The following CPED1 variants were observed in gnomAD, a reference collection of about 807,000 sequenced individuals.
The protein encoded by CPED1 is cadherin like and PC-esterase domain containing 1.
In CPED1, 114 loss-of-function variants were observed where a neutral mutation model predicts 128.2. That is an observed-to-expected ratio of 0.89 (90% confidence interval 0.76 to 1.04). The LOEUF is 1.04. Among genes scored for constraint, CPED1 ranks in the 50% least tolerant of loss-of-function variants. CPED1 has a pLI of 0.00. For synonymous variants in CPED1, 462 were observed against 426.7 expected (o/e 1.08, Z -1.02); for missense variants, 1,211 against 1,207.1 (o/e 1.00, Z -0.05).
At chr7:121,067,229 A>G (rs538917750) in intron 5 of CPED1, among the ~76,000 whole-genome samples, 1 of 152,074 alleles carries the variant, frequency 6.6e-6, no homozygotes, top group African/African-American at 2.4e-5. Flanking sequence ...TCGTCATTTA[A>G]CATTAGGTAT....
At chr7:121,199,070 C>T (rs1400093805) in intron 16 of CPED1, among the ~76,000 whole-genome samples, 6 of 152,108 alleles carry the variant, frequency 3.9e-5, no homozygotes, top group African/African-American at 7.2e-5. Context: ...GAAATGGCAG[C>T]GTAATGATTG....
At chr7:121,174,810 T>C (rs1348101541) in intron 16 of CPED1, among the ~76,000 whole-genome samples, 1 of 152,190 alleles carries the variant, frequency 6.6e-6, no homozygotes, top group Non-Finnish European at 1.5e-5. Context: ...GAAACCTCTT[T>C]GGACAGTATG....
At chr7:121,216,616 C>T (rs983081046) in intron 16 of CPED1, among the ~76,000 whole-genome samples, 2 of 151,842 alleles carry the variant, frequency 1.3e-5, no homozygotes, top group African/African-American at 4.8e-5. Context: ...TATATAGAAC[C>T]CCTATTCTCC....
At chr7:121,043,482 G>A (rs1441678073) in intron 3 of CPED1, among the ~76,000 whole-genome samples, 8 of 152,120 alleles carry the variant, frequency 5.3e-5, no homozygotes. Context: ...TTTACCTAAT[G>A]TTATCTTAAT....
intron 16 of CPED1, among the ~76,000 whole-genome samples, chr7:121,220,932 C>T (rs959289927): frequency 6.6e-6 from 1 of 151,868 alleles, no homozygotes; most frequent in African/African-American, 2.4e-5. Context: ...CTTTTAATAA[C>T]TTTTCTTATA....
intron 22 of CPED1, among the ~76,000 whole-genome samples, chr7:121,278,518 G>C (rs912093408): frequency 1.3e-5 from 2 of 152,128 alleles, no homozygotes; most frequent in African/African-American, 4.8e-5. Context: ...CAATGACCCT[G>C]TGCTGAAGAT....
chr7:121,171,408 A>G (rs1796646535), intron 16 of CPED1, among the ~76,000 whole-genome samples: 1 of 152,110 alleles, frequency 6.6e-6, no homozygotes, highest in South Asian at 2.1e-4. Flanking sequence ...TAGCTAGTAA[A>G]TTTTCCCTGA....
At chr7:121,157,201 T>C (rs1182333562) in intron 16 of CPED1, among the ~76,000 whole-genome samples, 4 of 151,986 alleles carry the variant, frequency 2.6e-5, no homozygotes, top group African/African-American at 9.7e-5. Context: ...GCTCCAAGAG[T>C]TAATTTGTAG....
At chr7:121,042,314 T>G (rs968903964) in intron 3 of CPED1, among the ~76,000 whole-genome samples, 37 of 152,150 alleles carry the variant, frequency 2.4e-4, no homozygotes, top group African/African-American at 7.9e-4. Flanking sequence ...CAGGTGAGGG[T>G]CTAGGGATAC....
At chr7:121,001,424 T>C (rs1791856492) in intron 2 of CPED1, among the ~76,000 whole-genome samples, 1 of 152,170 alleles carries the variant, frequency 6.6e-6, no homozygotes, top group East Asian at 1.9e-4. Flanking sequence ...GAGCATATTT[T>C]GAGTATGCTT....
chr7:121,264,609 A>G (rs1326671830), intron 18 of CPED1, among the ~76,000 whole-genome samples: 1 of 152,048 alleles, frequency 6.6e-6, no homozygotes, highest in Non-Finnish European at 1.5e-5. Context: ...CTCACCATGG[A>G]AAGAGTTTAA....
At chr7:121,218,645 G>A (rs924184737) in intron 16 of CPED1, among the ~76,000 whole-genome samples, 2 of 151,982 alleles carry the variant, frequency 1.3e-5, no homozygotes, top group Non-Finnish European at 2.9e-5. Flanking sequence ...TCATAAGTGG[G>A]AGTTGAACAA....
At chr7:121,172,129 C>G (rs1796660701) in intron 16 of CPED1, among the ~76,000 whole-genome samples, 1 of 152,176 alleles carries the variant, frequency 6.6e-6, no homozygotes. Context: ...ATCACATCCC[C>G]TGGTAAGTCC....
rs139499431 is a variant in CPED1 at position 121,270,417 on chromosome 7, T to C, written c.2722-867T>C. ...GGTTCCACTTATCAATTTTTGGTTTTGGTACAATTGTTTTTGAGGTCTTGG... is the reference window on the plus strand; with the variant it reads ...GGTTCCACTTATCAATTTTTGGTTTCGGTACAATTGTTTTTGAGGTCTTGG... On this transcript the variant is annotated intron_variant, in intron 21 of 22. Transcript: ENST00000310396. 2.8e-3 allele frequency among the ~76,000 whole-genome samples: 427 copies of C among 152,258 alleles called. 4 individuals carry two copies. The highest frequency in any genetic ancestry group is 9.9e-3 in the African/African-American group (413 of 41,574).
chr7:121,108,931 C>T (rs1176461877), intron 7 of CPED1, among the ~76,000 whole-genome samples: 2 of 152,058 alleles, frequency 1.3e-5, no homozygotes, highest in African/African-American at 4.8e-5. Context: ...GATTTTGCAA[C>T]ACATAGTTTT....
At chr7:121,042,810 T>C (rs1050298328) in intron 3 of CPED1, among the ~76,000 whole-genome samples, 1 of 152,242 alleles carries the variant, frequency 6.6e-6, no homozygotes. Flanking sequence ...CACATCATTG[T>C]TACTACTACT....
chr7:121,063,381 G>GAAAAAAAAAAAAAAAA lies in CPED1; in HGVS notation c.541-851_541-836dup, dbSNP rs368502123. ...GCTTTATTTTGCAAATGAAGAAACT[G>GAAAAAAAAAAAAAAAA]AAAAAAAAAAAAAAAAAAAAAGCAA... is the stretch of plus-strand genomic sequence containing the variant. On this transcript the variant is annotated intron_variant, in intron 4 of 22. Coordinates refer to ENST00000310396, the MANE Select transcript of CPED1 (RefSeq NM_024913.5). Among the ~76,000 whole-genome samples the GAAAAAAAAAAAAAAAA allele has an allele frequency of 5.2e-4, 35 of 67,026 alleles. 1 individual carries two copies. Among genetic ancestry groups the GAAAAAAAAAAAAAAAA allele is most frequent in the African/African-American group, 8.5e-4 (14 of 16,452 alleles). 44.0% of individuals were successfully genotyped at this position (67,026 alleles called of 152,430 possible).
intron 12 of CPED1, among the ~76,000 whole-genome samples, 157 bp from the exon 13 acceptor site, chr7:121,133,666 T>C (rs1795721790): frequency 6.6e-6 from 1 of 152,020 alleles, no homozygotes; most frequent in African/African-American, 2.4e-5. Flanking sequence ...CCTTTGAGGG[T>C]AGATTGCCAG....
rs561939168 is a variant in CPED1 at position 121,272,032 on chromosome 7, A to G, written c.2868+602A>G. ...CTTCCTCCCTAACCCTTGAATAAAA[A>G]TCTTGGTCAGGACCCATAAGTTTAA... On this transcript the variant is annotated intron_variant, in intron 22 of 22. Coordinates refer to ENST00000310396, the MANE Select transcript of CPED1 (RefSeq NM_024913.5). 6.6e-5 allele frequency among the ~76,000 whole-genome samples: 10 copies of G among 152,238 alleles called. No individual in the cohort carries two copies. In the South Asian group the frequency reaches 1.9e-3, roughly 28 times the overall value.
Sources: allele counts gnomAD v4.1 joint callset (sites outside exome capture counted in the v4.1 genomes callset), GRCh38; gene constraint gnomAD v4.1.1; transcripts MANE v1.5; gene names NCBI Gene and HGNC (gene_info 2026-07-23, HGNC 2026-07-21).